TRERF1: variants seen among roughly 807,000 people sequenced by gnomAD.
The protein encoded by TRERF1 is transcriptional regulating factor 1.
Under a neutral mutation model 122.9 loss-of-function variants are expected in TRERF1, and 27 were observed. That is an observed-to-expected ratio of 0.22 (90% CI 0.16 to 0.30). The LOEUF (loss-of-function observed/expected upper bound fraction) is 0.30. Among genes scored for constraint, TRERF1 ranks in the 10% least tolerant of loss-of-function variants. The pLI is 1.00. For synonymous variants in TRERF1, 636 were observed against 641.7 expected, an observed-to-expected ratio of 0.99 and a Z score of 0.13; for missense variants, 1,248 against 1,560.3, an observed-to-expected ratio of 0.80 and a Z score of 3.37.
chr6:42,413,912 A>G (rs1781473256), intron 2 of TRERF1, among the ~76,000 whole-genome samples: 1 of 152,246 alleles, frequency 6.6e-6, no homozygotes. Context: ...AGAGAAGGAA[A>G]GCCAAAAGTT....
intron 3 of TRERF1, among the ~76,000 whole-genome samples, chr6:42,358,769 T>C (rs501246): frequency 0.26 from 38,327 of 150,178 alleles, 8,264 homozygotes; most frequent in African/African-American, 0.57. Flanking sequence ...GAGCCCTAGG[T>C]CAATGACCTA....
Position 42,236,419 on chromosome 6 carries a change from T to C in TRERF1, c.2860-8A>G. The C allele has an allele frequency of 6.4e-7, 1 of 1,550,926 alleles. No homozygotes were observed. Among genetic ancestry groups the C allele is most frequent in the Middle Eastern group, 1.7e-4 (1 of 5,992 alleles). ...TTCTTCTTCTTCACTTGTCTAGTGT[T>C]AAGGTAATAAAAGCAAGAGGGGAAA... On this transcript the variant is annotated splice_polypyrimidine_tract_variant and splice_region_variant and intron_variant, in intron 15 of 17. Coordinates refer to ENST00000372922, the Ensembl canonical transcript of TRERF1.
rs563536196 is a variant in TRERF1 at position 42,451,246 on chromosome 6, TG to T, written c.-524del. 423 of 154,696 alleles carry T rather than the reference TG, an allele frequency of 2.7e-3. 2 individuals carry two copies. The highest frequency in any genetic ancestry group is 9.8e-3 in the African/African-American group (407 of 41,588). The allele number at this position is 154,696 out of a possible 1,614,324, so 9.6% of individuals were successfully genotyped here. A position where few individuals can be genotyped will look rare whatever the true frequency, so the allele number is the denominator to read the frequency against. ...ACCAGTATCCGCTTGGGGGGTGAGA[TG>T]GGGGGCGAGCAGAGCTGATGGAGTA... On this transcript the variant is annotated 5_prime_UTR_variant, in exon 2 of 18. It removes the in-frame stop codon of an upstream open reading frame in the 5' UTR. Coordinates refer to ENST00000372922, the Ensembl canonical transcript of TRERF1.
At chr6:42,444,010 G>A (rs928640894) in intron 2 of TRERF1, among the ~76,000 whole-genome samples, 9 of 151,990 alleles carry the variant, frequency 5.9e-5, no homozygotes, top group Admixed American at 3.9e-4. Context: ...AGAGAGGCTC[G>A]GAGGTCGACT....
chr6:42,399,651 A>G (rs994858274), intron 2 of TRERF1, among the ~76,000 whole-genome samples: 1 of 152,182 alleles, frequency 6.6e-6, no homozygotes, highest in Admixed American at 6.5e-5. Flanking sequence ...AGTCACATGC[A>G]TTGCTGTAGT....
intron 4 of TRERF1, among the ~76,000 whole-genome samples, chr6:42,299,201 T>TCTAA (rs1038513185): frequency 2.9e-4 from 5 of 17,134 alleles, no homozygotes; most frequent in African/African-American, 1.1e-3. Flanking sequence ...TCTGTTTTTT[T>TCTAA]CTATCTATCT....
intron 2 of TRERF1, among the ~76,000 whole-genome samples, chr6:42,416,736 G>A (rs138847439): frequency 1.4e-3 from 214 of 152,184 alleles, no homozygotes; most frequent in Middle Eastern, 6.8e-3. Flanking sequence ...CAATGTAAAT[G>A]GCATTAGAAT....
intron 2 of TRERF1, among the ~76,000 whole-genome samples, chr6:42,441,159 G>C (rs1786447272): frequency 6.6e-6 from 1 of 152,028 alleles, no homozygotes. Flanking sequence ...AGCACAATGA[G>C]TTCCACTAAT....
chr6:42,392,498 T>C lies in TRERF1; in HGVS notation c.-453-29419A>G, dbSNP rs535588007. On this transcript the variant is annotated intron_variant, in intron 2 of 17. Transcript: ENST00000372922. ...TGGAAACAGAGAGAAATAAAGCCTC[T>C]TTATTATACCCTGGGCAGTTTTTAG... Among the ~76,000 whole-genome samples the C allele has an allele frequency of 2.6e-5, 4 of 152,286 alleles. No individual in the cohort carries two copies. In the South Asian group the frequency reaches 8.3e-4, roughly 32 times the overall value.
intron 2 of TRERF1, among the ~76,000 whole-genome samples, chr6:42,447,057 C>T (rs1787651376): frequency 6.6e-6 from 1 of 152,150 alleles, no homozygotes; most frequent in Non-Finnish European, 1.5e-5. Context: ...AGAGTTATCA[C>T]TGTTATTTAG....
intron 2 of TRERF1, among the ~76,000 whole-genome samples, chr6:42,438,845 A>T (rs1450932293): frequency 1.3e-5 from 2 of 152,160 alleles, no homozygotes; most frequent in African/African-American, 2.4e-5. Context: ...AGATTAGATC[A>T]GAGGGTTTAG....
At chr6:42,435,039 G>A (rs1000285949) in intron 2 of TRERF1, among the ~76,000 whole-genome samples, 2 of 151,996 alleles carry the variant, frequency 1.3e-5, no homozygotes, top group East Asian at 1.9e-4. Flanking sequence ...GCTGAGGCAG[G>A]AGAATCGCTT....
chr6:42,425,012 G>C (rs747733342), intron 2 of TRERF1, among the ~76,000 whole-genome samples: 1 of 152,098 alleles, frequency 6.6e-6, no homozygotes, highest in Non-Finnish European at 1.5e-5. Flanking sequence ...TTCAAGTTCT[G>C]ACCTGATTTT....
chr6:42,264,288 T>C (rs1778756155), intron 7 of TRERF1, among the ~76,000 whole-genome samples: 2 of 152,228 alleles, frequency 1.3e-5, no homozygotes, highest in African/African-American at 4.8e-5. Context: ...CATCAGTAAA[T>C]AGAAAATTCT....
At chr6:42,343,718 T>G (rs1767737407) in intron 3 of TRERF1, among the ~76,000 whole-genome samples, 2 of 152,234 alleles carry the variant, frequency 1.3e-5, no homozygotes, top group African/African-American at 4.8e-5. Flanking sequence ...TGGTTGTATG[T>G]GTTTGTGGTG....
intron 3 of TRERF1, among the ~76,000 whole-genome samples, chr6:42,331,611 G>A (rs993381608): frequency 1.3e-5 from 2 of 152,222 alleles, no homozygotes; most frequent in African/African-American, 4.8e-5. Context: ...GGGCCACTGG[G>A]TGCTGCAGAT....
intron 2 of TRERF1, among the ~76,000 whole-genome samples, chr6:42,437,669 G>T (rs900906461): frequency 6.6e-6 from 1 of 152,136 alleles, no homozygotes; most frequent in Non-Finnish European, 1.5e-5. Flanking sequence ...GGTAGGATAA[G>T]CAAGGGGGAA....
chr6:42,374,315 A>C (rs1774416077), intron 2 of TRERF1, among the ~76,000 whole-genome samples: 1 of 151,920 alleles, frequency 6.6e-6, no homozygotes, highest in Admixed American at 6.6e-5. Flanking sequence ...TTCCAGCTGG[A>C]TTTAGTTAAA....
intron 3 of TRERF1, among the ~76,000 whole-genome samples, chr6:42,312,181 G>A (rs1761783299): frequency 6.6e-6 from 1 of 152,074 alleles, no homozygotes; most frequent in Non-Finnish European, 1.5e-5. Flanking sequence ...GAGGAAAAAA[G>A]GGCATCTCCC....
Sources: allele counts gnomAD v4.1 joint callset (sites outside exome capture counted in the v4.1 genomes callset), GRCh38; gene constraint gnomAD v4.1.1; transcripts MANE v1.5; gene names NCBI Gene and HGNC (gene_info 2026-07-23, HGNC 2026-07-21).